The following NTM variants were observed in gnomAD, a reference collection of about 807,000 sequenced individuals.
NTM encodes IgLON family member 2.
Under a neutral mutation model 42.1 loss-of-function variants are expected in NTM, and 13 were observed. The observed-to-expected ratio is 0.31, with a 90% CI of 0.20 to 0.49. NTM has a LOEUF of 0.49. Ranked by LOEUF, NTM falls within the 20% of genes least tolerant of loss-of-function variation. The pLI, the probability that NTM is intolerant of heterozygous loss-of-function variation, is 0.99. For synonymous variants in NTM, 187 were observed against 179.2 expected, an observed-to-expected ratio of 1.04 and a Z score of -0.35; for missense variants, 373 against 452.8, an observed-to-expected ratio of 0.82 and a Z score of 1.60.
intron 7 of NTM, among the ~76,000 whole-genome samples, chr11:132,315,834 C>T (rs929641344): frequency 6.6e-6 from 1 of 152,160 alleles, no homozygotes; most frequent in Non-Finnish European, 1.5e-5. Flanking sequence ...CCCTTGATCC[C>T]CGAGCCAGTG....
At chr11:131,811,834 C>T (rs895438628) in intron 1 of NTM, among the ~76,000 whole-genome samples, 8 of 152,178 alleles carry the variant, frequency 5.3e-5, no homozygotes, top group African/African-American at 9.7e-5. Flanking sequence ...AATACAGCTG[C>T]GGCAGCATCT....
chr11:131,542,454 A>G (rs553264369), intron 1 of NTM, among the ~76,000 whole-genome samples: 1 of 152,300 alleles, frequency 6.6e-6, no homozygotes, highest in Non-Finnish European at 1.5e-5. Flanking sequence ...AAACTTCTGT[A>G]ACTAAGCAAT....
intron 2 of NTM, among the ~76,000 whole-genome samples, chr11:131,911,989 G>T (rs1302352331): frequency 6.6e-6 from 1 of 152,202 alleles, no homozygotes; most frequent in Middle Eastern, 3.2e-3. Context: ...GTGACAGGGG[G>T]CTTGGAGGGG....
intron 1 of NTM, among the ~76,000 whole-genome samples, chr11:131,639,348 T>C (rs2064836045): frequency 6.6e-6 from 1 of 152,262 alleles, no homozygotes. Context: ...CTCTCTTTGC[T>C]GATAGCATTT....
At chr11:131,878,627 A>T (rs2048962832) in intron 1 of NTM, among the ~76,000 whole-genome samples, 2 of 109,432 alleles carry the variant, frequency 1.8e-5, no homozygotes, top group Non-Finnish European at 1.8e-5. Context: ...ATATATATAT[A>T]TATATATATA....
chr11:131,477,394 T>C (rs903582410), intron 1 of NTM, among the ~76,000 whole-genome samples: 7 of 151,706 alleles, frequency 4.6e-5, no homozygotes, highest in African/African-American at 1.7e-4. Flanking sequence ...ACCCCACTTC[T>C]GCATTTGGGT....
intron 1 of NTM, among the ~76,000 whole-genome samples, chr11:131,465,449 G>T (rs1330856359): frequency 1.8e-4 from 27 of 152,084 alleles, no homozygotes. Flanking sequence ...AAGGCAGGAG[G>T]CTCCATGGCC....
intron 1 of NTM, among the ~76,000 whole-genome samples, chr11:131,698,771 T>C (rs1277738240): frequency 6.6e-6 from 1 of 152,214 alleles, no homozygotes. Context: ...GGAGTATTCT[T>C]CTCATGAAAT....
intron 1 of NTM, among the ~76,000 whole-genome samples, chr11:131,867,040 A>G (rs1430021267): frequency 6.6e-6 from 1 of 152,126 alleles, no homozygotes; most frequent in Non-Finnish European, 1.5e-5. Flanking sequence ...GGCCTCTTGG[A>G]CTAGGGGAGG....
chr11:131,468,813 T>C (rs1952144108), intron 1 of NTM, among the ~76,000 whole-genome samples: 1 of 152,244 alleles, frequency 6.6e-6, no homozygotes. Context: ...AGGAACTTTC[T>C]GTTTTGACAG....
At chr11:131,802,604 G>C (rs2092215433) in intron 1 of NTM, among the ~76,000 whole-genome samples, 1 of 152,312 alleles carries the variant, frequency 6.6e-6, no homozygotes, top group South Asian at 2.1e-4. Context: ...GAGGGTGTGT[G>C]GCCAAGCTCT....
intron 1 of NTM, among the ~76,000 whole-genome samples, chr11:131,792,932 G>T (rs982139852): frequency 3.9e-5 from 6 of 152,146 alleles, no homozygotes; most frequent in East Asian, 3.9e-4. Context: ...CTTACTAACC[G>T]GTTATCTCTA....
intron 3 of NTM, among the ~76,000 whole-genome samples, chr11:132,160,269 T>C (rs1472923413): frequency 6.6e-6 from 1 of 152,190 alleles, no homozygotes; most frequent in East Asian, 1.9e-4. Flanking sequence ...CAAAAAAGCT[T>C]CCTGTGATTG....
At chr11:131,930,199 A>G (rs570275376) in intron 2 of NTM, among the ~76,000 whole-genome samples, 1 of 152,318 alleles carries the variant, frequency 6.6e-6, no homozygotes, top group African/African-American at 2.4e-5. Context: ...TGCATTTGAA[A>G]CTTTTCTATT....
chr11:132,255,206 T>G (rs2092377655), intron 4 of NTM, among the ~76,000 whole-genome samples: 1 of 152,194 alleles, frequency 6.6e-6, no homozygotes, highest in African/African-American at 2.4e-5. Context: ...TTGGTTTGAG[T>G]CTGATCTCTT....
At chr11:131,549,428 T>C (rs2054356641) in intron 1 of NTM, among the ~76,000 whole-genome samples, 1 of 152,194 alleles carries the variant, frequency 6.6e-6, no homozygotes, top group African/African-American at 2.4e-5. Flanking sequence ...AATTAAAAAT[T>C]TTTTAGACAG....
At chr11:131,410,184 G>A (rs1591590664) in intron 1 of NTM, among the ~76,000 whole-genome samples, 1 of 152,082 alleles carries the variant, frequency 6.6e-6, no homozygotes, top group South Asian at 2.1e-4. Flanking sequence ...ATCCAAACTA[G>A]TTCCATCAAG....
At chr11:131,548,327 C>T (rs2054208870) in intron 1 of NTM, among the ~76,000 whole-genome samples, 1 of 152,018 alleles carries the variant, frequency 6.6e-6, no homozygotes, top group African/African-American at 2.4e-5. Flanking sequence ...AAAACATCCC[C>T]CAGGCAGTAC....
chr11:132,010,819 A>G (rs2846788), intron 2 of NTM, among the ~76,000 whole-genome samples: 65,095 of 151,666 alleles, frequency 0.43, 14,744 homozygotes, highest in East Asian at 0.81. Flanking sequence ...GCTGTGTGCT[A>G]TCTCTCTTAA....
Sources: allele counts gnomAD v4.1 joint callset (sites outside exome capture counted in the v4.1 genomes callset), GRCh38; gene constraint gnomAD v4.1.1; transcripts MANE v1.5; gene names NCBI Gene and HGNC (gene_info 2026-07-23, HGNC 2026-07-21).